Variants in MAGI2 observed in about 807,000 individuals in gnomAD.
MAGI2 encodes the protein membrane associated guanylate kinase, WW and PDZ domain containing 2, also known as membrane-associated guanylate kinase, WW and PDZ domain-containing protein 2.
In MAGI2, 35 loss-of-function variants were observed where a neutral mutation model predicts 133.3. The ratio of observed to expected loss-of-function variants is 0.26; its 90% CI spans 0.20 to 0.35. MAGI2 has a LOEUF of 0.35. Ranked by LOEUF, MAGI2 falls within the 10% of genes least tolerant of loss-of-function variation. The pLI, the probability that MAGI2 is intolerant of heterozygous loss-of-function variation, is 1.00. For missense variants in MAGI2, 1,636 were observed against 1,863.4 expected, an observed-to-expected ratio of 0.88 and a Z score of 2.25; for synonymous variants, 729 against 710.6, an observed-to-expected ratio of 1.03 and a Z score of -0.41.
chr7:78,127,780 A>G (rs1215350089), intron 18 of MAGI2, among the ~76,000 whole-genome samples: 1 of 152,168 alleles, frequency 6.6e-6, no homozygotes, highest in Non-Finnish European at 1.5e-5. Flanking sequence ...ACATCAGCCT[A>G]TCTTAAGACT....
At chr7:78,828,766 G>A (rs551205586) in intron 2 of MAGI2, among the ~76,000 whole-genome samples, 10 of 152,082 alleles carry the variant, frequency 6.6e-5, no homozygotes, top group Middle Eastern at 3.4e-3. Context: ...TACTATCTTC[G>A]TAAATTTTCT....
chr7:78,763,848 C>T (rs1413448244), intron 2 of MAGI2, among the ~76,000 whole-genome samples: 1 of 152,118 alleles, frequency 6.6e-6, no homozygotes. Flanking sequence ...GGTTACCTGC[C>T]CTACTTACAA....
At chr7:79,211,084 A>G (rs1829456263) in intron 1 of MAGI2, among the ~76,000 whole-genome samples, 1 of 152,114 alleles carries the variant, frequency 6.6e-6, no homozygotes, top group African/African-American at 2.4e-5. Flanking sequence ...AAGAATATTC[A>G]TTGGCTTATT....
intron 20 of MAGI2, among the ~76,000 whole-genome samples, chr7:78,112,738 G>T (rs1819477823): frequency 6.6e-6 from 1 of 152,164 alleles, no homozygotes; most frequent in African/African-American, 2.4e-5. Context: ...TGGGCCCTGG[G>T]GTATAGTGGG....
intron 1 of MAGI2, among the ~76,000 whole-genome samples, chr7:79,220,479 C>T (rs1243520059): frequency 6.6e-6 from 1 of 152,016 alleles, no homozygotes; most frequent in Non-Finnish European, 1.5e-5. Context: ...ACACTGACCT[C>T]TCCTGTCCTC....
chr7:78,812,824 A>G (rs1789195019), intron 2 of MAGI2, among the ~76,000 whole-genome samples: 1 of 152,204 alleles, frequency 6.6e-6, no homozygotes, highest in South Asian at 2.1e-4. Context: ...TGATGAGCCC[A>G]TTGCTTGGAT....
At chr7:78,519,278 A>G (rs1796298999) in intron 4 of MAGI2, among the ~76,000 whole-genome samples, 1 of 152,178 alleles carries the variant, frequency 6.6e-6, no homozygotes, top group African/African-American at 2.4e-5. Context: ...GGATTGTCAA[A>G]GGACTTCTAA....
chr7:78,100,638 T>C (rs996978806), intron 20 of MAGI2, among the ~76,000 whole-genome samples: 3 of 152,192 alleles, frequency 2.0e-5, no homozygotes, highest in African/African-American at 7.2e-5. Context: ...AGGTGTGAGC[T>C]ACTGCACCCA....
At chr7:79,158,130 A>G (rs1823999045) in intron 1 of MAGI2, among the ~76,000 whole-genome samples, 1 of 152,038 alleles carries the variant, frequency 6.6e-6, no homozygotes, top group South Asian at 2.1e-4. Flanking sequence ...TCCTTTAAAT[A>G]CAAATTTAGG....
Position 78,019,349 on chromosome 7 carries a change from A to G in MAGI2, c.4334T>C (p.Val1445Ala). 2 of 1,518,782 alleles carry G rather than the reference A, an allele frequency of 1.3e-6. No homozygotes were observed. Among genetic ancestry groups the G allele is most frequent in the Non-Finnish European group, 1.8e-6 (2 of 1,142,044 alleles). The allele number at this position is 1,518,782 out of a possible 1,614,324, so 94.1% of individuals were successfully genotyped here. A position where few individuals can be genotyped will look rare whatever the true frequency, so the allele number is the denominator to read the frequency against. ...KVPGSDKLPS[V>A]LKPGASAASR is the part of the protein sequence containing the mutation. Reference sequence around the variant, plus strand: ...GGCGGCCGAGGCGCCGGGTTTGAGGACGCTGGGCAGCTTGTCAGAACCCGG... The same window carrying G: ...GGCGGCCGAGGCGCCGGGTTTGAGGGCGCTGGGCAGCTTGTCAGAACCCGG... The change falls in exon 22 of 22, where the codon GTC (valine) becomes GCC (alanine). Residue 1445 changes from valine to alanine, a missense_variant. By Grantham distance (64) the Val-to-Ala change is moderately conservative (BLOSUM62 0). This residue lies in a region of MAGI2 where 354 missense variants were observed against 298.7 expected (regional missense o/e 1.19). Coordinates refer to ENST00000354212, the MANE Select transcript of MAGI2 (RefSeq NM_012301.4).
chr7:78,557,223 T>C (rs2150725967), intron 3 of MAGI2, among the ~76,000 whole-genome samples: 1 of 152,244 alleles, frequency 6.6e-6, no homozygotes, highest in African/African-American at 2.4e-5. Context: ...TTACCCTCTG[T>C]ACTGAATTGC....
chr7:78,439,731 A>G (rs1372505189), intron 6 of MAGI2, among the ~76,000 whole-genome samples: 4 of 152,208 alleles, frequency 2.6e-5, no homozygotes, highest in Admixed American at 2.6e-4. Context: ...CTGCTTATTA[A>G]GATATTTTCA....
chr7:79,108,091 G>C (rs528842138), intron 1 of MAGI2, among the ~76,000 whole-genome samples: 6 of 152,324 alleles, frequency 3.9e-5, no homozygotes, highest in Admixed American at 1.3e-4. Context: ...AGAGTGTTTA[G>C]GGAAGGATGT....
chr7:78,042,660 G>GC (rs1287388449), intron 21 of MAGI2, among the ~76,000 whole-genome samples: 1 of 152,200 alleles, frequency 6.6e-6, no homozygotes, highest in Non-Finnish European at 1.5e-5. Context: ...GTTTCAATGG[G>GC]CTCAATAACT....
intron 1 of MAGI2, among the ~76,000 whole-genome samples, chr7:79,355,311 T>C (rs1841949434): frequency 6.6e-6 from 1 of 151,892 alleles, no homozygotes; most frequent in South Asian, 2.1e-4. Context: ...TAAAATGGCA[T>C]TGAATACTGA....
intron 2 of MAGI2, among the ~76,000 whole-genome samples, chr7:78,733,316 A>G (rs1038738099): frequency 1.3e-5 from 2 of 152,198 alleles, no homozygotes; most frequent in South Asian, 2.1e-4. Flanking sequence ...TGATTTCCCA[A>G]TACTGTCTTG....
chr7:78,982,752 G>C (rs1804900357), intron 2 of MAGI2, among the ~76,000 whole-genome samples: 1 of 62,774 alleles, frequency 1.6e-5, no homozygotes, highest in African/African-American at 8.9e-5. Flanking sequence ...TAGAAGGGAA[G>C]GGAAGGTACT....
intron 1 of MAGI2, among the ~76,000 whole-genome samples, chr7:79,312,319 T>A (rs900334377): frequency 6.6e-6 from 1 of 152,146 alleles, no homozygotes; most frequent in Non-Finnish European, 1.5e-5. Flanking sequence ...TCCCTCCAAT[T>A]CTTCGTCTCA....
At chr7:78,487,526 C>T (rs532347936) in intron 6 of MAGI2, 1 of 152,110 alleles carries the variant, frequency 6.6e-6, no homozygotes, top group Non-Finnish European at 1.5e-5. Flanking sequence ...CGCAAAGAAA[C>T]TGGATGACCT....
Sources: gnomAD v4.1 joint callset for allele counts (sites outside exome capture counted in the v4.1 genomes callset) on GRCh38, gnomAD v4.1.1 for gene constraint, gnomAD v4.1.1 regional missense constraint, MANE v1.5 for transcripts, NCBI Gene and HGNC (gene_info 2026-07-23, HGNC 2026-07-21) for gene names.